MAD1L1: variants seen among roughly 807,000 people sequenced by gnomAD.
The protein encoded by MAD1L1 is mitotic spindle assembly checkpoint protein MAD1.
MAD1L1 carries 95 observed loss-of-function variants against 96.9 expected under a neutral mutation model. That is an observed-to-expected ratio of 0.98 (90% confidence interval 0.83 to 1.16). The LOEUF (loss-of-function observed/expected upper bound fraction) is 1.16, where lower values mean the gene tolerates loss of function less well. MAD1L1 is among the 50% of genes most tolerant of loss of function. MAD1L1 has a pLI of 0.00. For missense variants in MAD1L1, 1,007 were observed against 954.4 expected, an observed-to-expected ratio of 1.06 and a Z score of -0.73; for synonymous variants, 473 against 396.6, an observed-to-expected ratio of 1.19 and a Z score of -2.29.
At chr7:2,167,767 G>A (rs559184564) in intron 10 of MAD1L1, among the ~76,000 whole-genome samples, 127 of 150,528 alleles carry the variant, frequency 8.4e-4, no homozygotes, top group African/African-American at 3.0e-3. Flanking sequence ...CAGGCATGAT[G>A]GTGTATGCCT....
intron 16 of MAD1L1, among the ~76,000 whole-genome samples, chr7:1,937,176 G>C (rs567901500): frequency 2.7e-4 from 41 of 152,306 alleles, no homozygotes; most frequent in African/African-American, 9.9e-4. Flanking sequence ...GGGACATGCG[G>C]CCTTTGCTCA....
chr7:2,000,856 C>T (rs943291634), intron 14 of MAD1L1, among the ~76,000 whole-genome samples: 31 of 152,228 alleles, frequency 2.0e-4, no homozygotes, highest in Admixed American at 9.8e-4. Context: ...CAGACCCGCG[C>T]GGTGCCCTGC....
chr7:2,020,158 C>T (rs750645884), intron 12 of MAD1L1, among the ~76,000 whole-genome samples: 4 of 152,224 alleles, frequency 2.6e-5, no homozygotes, highest in Non-Finnish European at 5.9e-5. Context: ...GCCGCCCAGG[C>T]TGCGGCCCTA....
chr7:2,030,676 T>A (rs1452449618), intron 12 of MAD1L1, among the ~76,000 whole-genome samples: 5 of 152,148 alleles, frequency 3.3e-5, no homozygotes, highest in Non-Finnish European at 1.5e-5. Flanking sequence ...AAACTGAGAA[T>A]GAGGAGAAAC....
At chr7:2,149,527 G>A (rs534952654) in intron 10 of MAD1L1, among the ~76,000 whole-genome samples, 5 of 152,276 alleles carry the variant, frequency 3.3e-5, no homozygotes, top group Admixed American at 2.0e-4. Flanking sequence ...CAGAGGAAAC[G>A]AAATCATGTT....
intron 12 of MAD1L1, among the ~76,000 whole-genome samples, chr7:2,047,244 G>C (rs975563555): frequency 6.6e-6 from 1 of 152,196 alleles, no homozygotes; most frequent in African/African-American, 2.4e-5. Context: ...GACACCGCTT[G>C]CTCTGAGCCG....
chr7:1,975,156 G>A (rs530828720), intron 15 of MAD1L1, among the ~76,000 whole-genome samples: 1 of 152,342 alleles, frequency 6.6e-6, no homozygotes, highest in Non-Finnish European at 1.5e-5. Flanking sequence ...GGCTGCCTCA[G>A]CCTGCTCCTG....
In MAD1L1 at chr7:2,145,842, A is replaced by G. The variant is rs1161467734; in HGVS notation, c.1073+3310T>C. On this transcript the variant is annotated intron_variant, in intron 11 of 18. Transcript: ENST00000265854. ...TGAGGCAAACTTTAAAAAGGCAGCA[A>G]CGGCAGGAACTCCGCAGAGGAGCCC... 5.3e-5 allele frequency among the ~76,000 whole-genome samples: 8 copies of G among 152,326 alleles called. 1 individual carries two copies. Among genetic ancestry groups the G allele is most frequent in the Admixed American group, 5.2e-4 (8 of 15,308 alleles).
At chr7:2,080,103 G>A (rs1785564326) in intron 11 of MAD1L1, 2 of 197,610 alleles carry the variant, frequency 1.0e-5, no homozygotes, top group Non-Finnish European at 2.1e-5. Context: ...GGCAGCAGGC[G>A]GGTGGGCCAG....
chr7:2,061,665 A>T (rs564285048), intron 12 of MAD1L1, among the ~76,000 whole-genome samples: 8 of 152,378 alleles, frequency 5.3e-5, no homozygotes, highest in Admixed American at 1.3e-4. Context: ...GGGCATGCCC[A>T]GCGCAAGGGC....
intron 11 of MAD1L1, among the ~76,000 whole-genome samples, chr7:2,113,634 C>T (rs1048292894): frequency 3.9e-5 from 6 of 152,108 alleles, no homozygotes; most frequent in Non-Finnish European, 8.8e-5. Flanking sequence ...GCATCTTCCC[C>T]AAGATACTTA....
intron 15 of MAD1L1, among the ~76,000 whole-genome samples, chr7:1,977,815 A>G (rs1034458794): frequency 2.0e-5 from 3 of 152,240 alleles, no homozygotes; most frequent in African/African-American, 7.2e-5. Context: ...GGAGCCGTGC[A>G]GCGTGACGCA....
chr7:2,105,242 G>A (rs1055132357), intron 11 of MAD1L1, among the ~76,000 whole-genome samples: 1 of 152,156 alleles, frequency 6.6e-6, no homozygotes, highest in African/African-American at 2.4e-5. Context: ...TACTAACAAA[G>A]GGCACTAACA....
At chr7:2,004,932 A>G (rs1057380272) in intron 13 of MAD1L1, among the ~76,000 whole-genome samples, 4 of 152,218 alleles carry the variant, frequency 2.6e-5, no homozygotes, top group Non-Finnish European at 4.4e-5. Flanking sequence ...TTTCTGATAC[A>G]TCCTCAAAGC....
chr7:1,948,969 G>C (rs576682706), intron 16 of MAD1L1, among the ~76,000 whole-genome samples: 1 of 152,322 alleles, frequency 6.6e-6, no homozygotes, highest in South Asian at 2.1e-4. Flanking sequence ...AACACAGGAG[G>C]GGCTGGGCCC....
At chr7:1,820,251 A>G (rs1782054386) in intron 18 of MAD1L1, among the ~76,000 whole-genome samples, 1 of 152,162 alleles carries the variant, frequency 6.6e-6, no homozygotes, top group Non-Finnish European at 1.5e-5. Flanking sequence ...AGAATACAGC[A>G]TAATGAAATT....
intron 18 of MAD1L1, among the ~76,000 whole-genome samples, chr7:1,879,629 G>C (rs573192781): frequency 1.1e-4 from 17 of 152,208 alleles, no homozygotes; most frequent in Admixed American, 9.8e-4. Context: ...GAGGACTTAT[G>C]TTACTTGACT....
At position 2,109,092 on chromosome 7, in the gene MAD1L1, G is replaced by T. The variant is rs560845120; in HGVS notation, c.1074-39754C>A. On this transcript the variant is annotated intron_variant, in intron 11 of 18. Coordinates refer to ENST00000265854, the MANE Select transcript of MAD1L1 (RefSeq NM_001013836.2). ...TCAGAGCTGCTCACCCTCAGCTCTG[G>T]GTCCTCCGCACCCACTTCGGATTCC... Among the ~76,000 whole-genome samples the T allele has an allele frequency of 4.6e-5, 7 of 152,260 alleles. No individual in the cohort carries two copies. In the East Asian group the frequency reaches 1.4e-3, roughly 29 times the overall value.
At chr7:2,117,765 A>T (rs540295917) in intron 11 of MAD1L1, among the ~76,000 whole-genome samples, 1 of 152,298 alleles carries the variant, frequency 6.6e-6, no homozygotes, top group Admixed American at 6.5e-5. Context: ...GTATGTCTTC[A>T]CTAGCACTGT....
Sources: allele counts gnomAD v4.1 joint callset (sites outside exome capture counted in the v4.1 genomes callset), GRCh38; gene constraint gnomAD v4.1.1; transcripts MANE v1.5; gene names NCBI Gene and HGNC (gene_info 2026-07-23, HGNC 2026-07-21).